The following MBD2 variants were observed in gnomAD, a reference collection of about 807,000 sequenced individuals.
The protein encoded by MBD2 is methyl-CpG binding domain protein 2.
A neutral mutation model predicts 39.3 loss-of-function variants in MBD2; 9 were observed. That is an observed-to-expected ratio of 0.23 (90% CI 0.14 to 0.40). The LOEUF is 0.40. MBD2 is among the 10% of genes least tolerant of loss of function. The pLI is 1.00. For synonymous variants in MBD2, 233 were observed against 211.1 expected (o/e 1.10, Z -0.90); for missense variants, 458 against 532.6 (o/e 0.86, Z 1.38).
intron 6 of MBD2, among the ~76,000 whole-genome samples, chr18:54,156,144 C>A (rs921213205): frequency 2.6e-5 from 4 of 152,092 alleles, no homozygotes; most frequent in Non-Finnish European, 4.4e-5. Context: ...CAGGTTATTA[C>A]GGACAGCTGA....
At chr18:54,163,927 C>T (rs555374097) in intron 5 of MBD2, among the ~76,000 whole-genome samples, 47 of 152,190 alleles carry the variant, frequency 3.1e-4, no homozygotes, top group Admixed American at 5.9e-4. Flanking sequence ...TCTGTCACCA[C>T]GGCTGGAGTG....
intron 2 of MBD2, among the ~76,000 whole-genome samples, chr18:54,192,392 C>T (rs2086326640): frequency 6.6e-6 from 1 of 152,050 alleles, no homozygotes; most frequent in Non-Finnish European, 1.5e-5. Context: ...ACCACCACAC[C>T]CAGCTAATTT....
chr18:54,184,768 C>T (rs1347226917), intron 3 of MBD2, among the ~76,000 whole-genome samples: 1 of 152,190 alleles, frequency 6.6e-6, no homozygotes, highest in Non-Finnish European at 1.5e-5. Context: ...TTTTCTTAAA[C>T]ACCTATAGCA....
chr18:54,195,275 T>C (rs943676872), intron 2 of MBD2, among the ~76,000 whole-genome samples: 9 of 152,098 alleles, frequency 5.9e-5, no homozygotes, highest in African/African-American at 1.9e-4. Flanking sequence ...ACAGTTCAAA[T>C]TGTACATATT....
intron 2 of MBD2, among the ~76,000 whole-genome samples, chr18:54,190,212 A>G (rs1381623196): frequency 1.3e-5 from 2 of 152,180 alleles, no homozygotes; most frequent in Non-Finnish European, 2.9e-5. Context: ...AGGTCTTTGA[A>G]TAATGTCGTT....
chr18:54,163,053 C>T (rs2086107794), intron 5 of MBD2, among the ~76,000 whole-genome samples: 1 of 152,100 alleles, frequency 6.6e-6, no homozygotes, highest in Admixed American at 6.5e-5. Flanking sequence ...GCAGGCGGAT[C>T]ATGATGTCAG....
chr18:54,176,459 G>A (rs190264752), intron 3 of MBD2, among the ~76,000 whole-genome samples: 6 of 152,246 alleles, frequency 3.9e-5, no homozygotes, highest in Admixed American at 2.0e-4. Context: ...ACTTTCATAA[G>A]ACAGTTACTA....
intron 3 of MBD2, among the ~76,000 whole-genome samples, chr18:54,180,121 TA>T (rs1275564917): frequency 2.6e-5 from 4 of 152,054 alleles, no homozygotes; most frequent in African/African-American, 9.7e-5. Context: ...TGACACCATT[TA>T]CAGTAACCTC....
Position 54,154,617 on chromosome 18 carries a change from C to T in MBD2, c.*707G>A, listed in dbSNP as rs1167090709. The T allele has an allele frequency of 6.6e-6, 1 of 152,316 alleles. No homozygotes were observed. The highest frequency in any genetic ancestry group is 1.9e-4 in the East Asian group (1 of 5,188). The allele number at this position is 152,316 out of a possible 1,614,324, so 9.4% of individuals were successfully genotyped here. A position where few individuals can be genotyped will look rare whatever the true frequency, so the allele number is the denominator to read the frequency against. ...TCACAGGCAAGGAAAAAAAATTACA[C>T]ATGCTAGGTGATATTTAGCAGAAAT... On this transcript the variant is annotated 3_prime_UTR_variant, in exon 7 of 7. Coordinates refer to ENST00000256429, the MANE Select transcript of MBD2 (RefSeq NM_003927.5).
At chr18:54,212,967 A>T (rs2086521547) in intron 1 of MBD2, among the ~76,000 whole-genome samples, 1 of 150,344 alleles carries the variant, frequency 6.7e-6, no homozygotes, top group African/African-American at 2.4e-5. Flanking sequence ...GGGAGGTTGA[A>T]GCTGCAGTGA....
At chr18:54,178,185 T>C (rs1261104299) in intron 3 of MBD2, among the ~76,000 whole-genome samples, 1 of 152,116 alleles carries the variant, frequency 6.6e-6, no homozygotes, top group African/African-American at 2.4e-5. Context: ...TAGAAGTACA[T>C]ATGCACTATT....
At chr18:54,203,661 T>C (rs536765273) in intron 2 of MBD2, among the ~76,000 whole-genome samples, 1 of 152,286 alleles carries the variant, frequency 6.6e-6, no homozygotes, top group South Asian at 2.1e-4. Context: ...TATATTACTG[T>C]AAACTGCACA....
At chr18:54,195,158 T>C (rs1402701454) in intron 2 of MBD2, among the ~76,000 whole-genome samples, 2 of 152,086 alleles carry the variant, frequency 1.3e-5, no homozygotes, top group Non-Finnish European at 2.9e-5. Flanking sequence ...TGTCTATGAA[T>C]ATCATGTAAA....
intron 3 of MBD2, among the ~76,000 whole-genome samples, chr18:54,172,648 T>C (rs959545421): frequency 2.0e-5 from 3 of 152,048 alleles, no homozygotes; most frequent in Non-Finnish European, 4.4e-5. Context: ...AAAAAAAAAA[T>C]TCACTAGACA....
At position 54,212,165 on chromosome 18, in the gene MBD2, A is replaced by G. The variant is rs529478260; in HGVS notation, c.543-7008T>C. Reference sequence around the variant, plus strand: ...TTAATCACTCTATTCTGAATAGTCTAAATGGCTTCTACAGTTCTTTGCAAG... The same window carrying G: ...TTAATCACTCTATTCTGAATAGTCTGAATGGCTTCTACAGTTCTTTGCAAG... On this transcript the variant is annotated intron_variant, in intron 1 of 6. Coordinates refer to ENST00000256429, the MANE Select transcript of MBD2 (RefSeq NM_003927.5). 2.2e-4 allele frequency among the ~76,000 whole-genome samples: 34 copies of G among 152,236 alleles called. 1 individual carries two copies. The South Asian group carries it at 6.6e-3, about 30-fold the overall frequency.
intron 2 of MBD2, among the ~76,000 whole-genome samples, chr18:54,189,822 A>ATT (rs199604435): frequency 6.6e-6 from 1 of 151,130 alleles, no homozygotes; most frequent in Non-Finnish European, 1.5e-5. Flanking sequence ...AAGTTTTTGT[A>ATT]TTTTTTTTGT....
At chr18:54,167,441 A>C (rs145530363) in intron 3 of MBD2, among the ~76,000 whole-genome samples, 484 of 152,360 alleles carry the variant, frequency 3.2e-3, no homozygotes, top group Admixed American at 5.2e-3. Context: ...TGGCTATCAC[A>C]AAAGATTACT....
At chr18:54,218,758 C>T (rs1463154741) in intron 1 of MBD2, among the ~76,000 whole-genome samples, 1 of 152,106 alleles carries the variant, frequency 6.6e-6, no homozygotes, top group African/African-American at 2.4e-5. Flanking sequence ...GTCAGGAGTT[C>T]AAGACCAGCC....
At chr18:54,188,083 G>A (rs1483645283) in intron 3 of MBD2, among the ~76,000 whole-genome samples, 1 of 152,116 alleles carries the variant, frequency 6.6e-6, no homozygotes, top group Non-Finnish European at 1.5e-5. Context: ...GGACTCAGGT[G>A]GGAGGAGGCA....
Sources: gnomAD v4.1 joint callset for allele counts (sites outside exome capture counted in the v4.1 genomes callset) on GRCh38, gnomAD v4.1.1 for gene constraint, MANE v1.5 for transcripts, NCBI Gene and HGNC (gene_info 2026-07-23, HGNC 2026-07-21) for gene names.